KIF24: variants seen among roughly 807,000 people sequenced by gnomAD.
KIF24 encodes kinesin family member 24.
KIF24 carries 81 observed loss-of-function variants against 118.9 expected under a neutral mutation model. That is an observed-to-expected ratio of 0.68 (90% confidence interval 0.57 to 0.82). The LOEUF is 0.82. Ranked by LOEUF, KIF24 falls within the 40% of genes least tolerant of loss-of-function variation. The pLI, the probability that KIF24 is intolerant of heterozygous loss-of-function variation, is 0.00. For missense variants in KIF24, 1,560 were observed against 1,661.6 expected, an observed-to-expected ratio of 0.94 and a Z score of 1.06; for synonymous variants, 599 against 610.0, an observed-to-expected ratio of 0.98 and a Z score of 0.27.
At position 34,256,591 on chromosome 9, in the gene KIF24, T is replaced by C; in HGVS notation, c.3016A>G (p.Thr1006Ala). Residue 1006 changes from threonine (T) to alanine (A), a missense_variant, in exon 11 of 13, where the codon ACA becomes GCA. Physicochemically the swap from Thr to Ala is moderately conservative, Grantham distance 58. Transcript: ENST00000402558. ...TCTGCACTGACTTCTCTCAGAGGTG[T>C]GGTGACTGTGTCTCTTTGGTCTGGG... ...GSPDQRDTVT[T>A]PLREVSADGP... 1 of 1,613,986 alleles carries C rather than the reference T, an allele frequency of 6.2e-7. No individual in the cohort carries two copies. Among genetic ancestry groups the C allele is most frequent in the Non-Finnish European group, 8.5e-7 (1 of 1,179,896 alleles).
intron 2 of KIF24, among the ~76,000 whole-genome samples, chr9:34,309,377 T>C (rs529695315): frequency 8.8e-4 from 134 of 151,718 alleles, no homozygotes; most frequent in African/African-American, 3.0e-3. Context: ...CCACCTCTAC[T>C]AAAAATACAA....
At chr9:34,287,337 G>T (rs924089020) in intron 5 of KIF24, among the ~76,000 whole-genome samples, 2 of 152,174 alleles carry the variant, frequency 1.3e-5, no homozygotes, top group Non-Finnish European at 2.9e-5. Flanking sequence ...TACACATGGG[G>T]TTTTCTTTTA....
At chr9:34,265,435 G>T (rs1170871320) in intron 8 of KIF24, among the ~76,000 whole-genome samples, 1 of 152,196 alleles carries the variant, frequency 6.6e-6, no homozygotes, top group Non-Finnish European at 1.5e-5. Context: ...CTCCCAAAAT[G>T]CTGGGATTAC....
chr9:34,314,530 A>T (rs1057011093), intron 1 of KIF24, among the ~76,000 whole-genome samples: 5 of 152,180 alleles, frequency 3.3e-5, no homozygotes, highest in African/African-American at 1.2e-4. Context: ...AAAACCAAAA[A>T]ACAACAAGAA....
At chr9:34,291,345 G>GA (rs907726031) in intron 4 of KIF24, among the ~76,000 whole-genome samples, 3 of 150,656 alleles carry the variant, frequency 2.0e-5, no homozygotes, top group African/African-American at 4.9e-5. Context: ...ATCTTGAGGG[G>GA]AAAAAAAAAG....
chr9:34,252,961 A>T lies in KIF24; in HGVS notation c.*1419T>A, dbSNP rs182134378. On this transcript the variant is annotated 3_prime_UTR_variant, in exon 13 of 13. Coordinates refer to ENST00000402558, the MANE Select transcript of KIF24 (RefSeq NM_194313.4). Reference sequence around the variant, plus strand: ...ATAGGGTTCATTCCTAAAGTAAGTAAGTTTTTGTCCTTGACCTTAATACTG... The same window carrying T: ...ATAGGGTTCATTCCTAAAGTAAGTATGTTTTTGTCCTTGACCTTAATACTG... The T allele has an allele frequency of 1.1e-4, 17 of 152,330 alleles. No homozygotes were observed. In the East Asian group the frequency reaches 2.5e-3, roughly 23 times the overall value. The allele number at this position is 152,330 out of a possible 1,614,324, so 9.4% of individuals were successfully genotyped here. A position where few individuals can be genotyped will look rare whatever the true frequency, so the allele number is the denominator to read the frequency against.
At position 34,269,854 on chromosome 9, in the gene KIF24, C is replaced by T. The variant is rs1204289056; in HGVS notation, c.1338-492G>A. 2.0e-5 allele frequency among the ~76,000 whole-genome samples: 3 copies of T among 152,090 alleles called. No homozygotes were observed. In the East Asian group the frequency reaches 5.8e-4, roughly 29 times the overall value. On this transcript the variant is annotated intron_variant, in intron 7 of 12. Coordinates refer to ENST00000402558, the MANE Select transcript of KIF24 (RefSeq NM_194313.4). ...CCTATAAACCCAGCTACTTGGGAGGCTGAGGTGGAGCACTGCTTGAGGCCA... is the reference window on the plus strand; with the variant it reads ...CCTATAAACCCAGCTACTTGGGAGGTTGAGGTGGAGCACTGCTTGAGGCCA...
chr9:34,332,366 T>G (rs1837965380), upstream of KIF24, among the ~76,000 whole-genome samples: 1 of 152,218 alleles, frequency 6.6e-6, no homozygotes, highest in Non-Finnish European at 1.5e-5. Context: ...CCTTTCCATC[T>G]TACGTTGCAC....
intron 4 of KIF24, 55 bp from the exon 5 acceptor site, chr9:34,290,444 C>T (rs938917687): frequency 6.1e-6 from 7 of 1,143,844 alleles, no homozygotes; most frequent in South Asian, 1.4e-5. Flanking sequence ...TATTAGTTTA[C>T]CCATAGATTT....
rs1405778936 is a variant in KIF24, at chr9:34,252,939, G to A, written c.*1441C>T. The A allele has an allele frequency of 1.3e-5, 2 of 152,202 alleles. No individual in the cohort carries two copies. Among genetic ancestry groups the A allele is most frequent in the Non-Finnish European group, 2.9e-5 (2 of 68,064 alleles). The allele number at this position is 152,202 out of a possible 1,614,324, so 9.4% of individuals were successfully genotyped here. A position where few individuals can be genotyped will look rare whatever the true frequency, so the allele number is the denominator to read the frequency against. On this transcript the variant is annotated 3_prime_UTR_variant, in exon 13 of 13. Coordinates refer to ENST00000402558, the MANE Select transcript of KIF24 (RefSeq NM_194313.4). ...TGCTGTTGTATATGATGATAGAATA[G>A]GGTTCATTCCTAAAGTAAGTAAGTT...
intron 1 of KIF24, chr9:34,319,655 G>T: frequency 1.2e-6 from 1 of 821,030 alleles, no homozygotes; most frequent in African/African-American, 1.7e-5. Flanking sequence ...ACGAGTTTTA[G>T]GGCCTCAGGG....
At chr9:34,295,848 T>G (rs1026503636) in intron 4 of KIF24, among the ~76,000 whole-genome samples, 2 of 151,954 alleles carry the variant, frequency 1.3e-5, no homozygotes, top group East Asian at 3.9e-4. Flanking sequence ...CATGCCTATA[T>G]TTTAAATACT....
In KIF24 at chr9:34,269,362, C is replaced by T. The variant is rs757010315; in HGVS notation, c.1338G>A (p.Arg446=). 2 of 1,546,734 alleles carry T rather than the reference C, an allele frequency of 1.3e-6. No individual in the cohort carries two copies. The highest frequency in any genetic ancestry group is 2.3e-5 in the South Asian group (2 of 88,886). Residue 446 remains arginine, a splice_region_variant and synonymous_variant, in exon 8 of 13, where the codon AGG becomes AGA. Transcript: ENST00000402558. ...TGCCAGCCAAGTCAATAAAAGAGAT[C>T]CTAGAGAAAAGACACAGCAGGAGTG... ...IKDSAKRTFG[R]ISFIDLAGSE...
rs2131646989 is a variant in KIF24, at chr9:34,253,464, A to C, written c.*916T>G. 1 of 152,226 alleles carries C rather than the reference A, an allele frequency of 6.6e-6. No homozygotes were observed. 9.4% of individuals were successfully genotyped at this position (152,226 alleles called of 1,614,324 possible). A position where few individuals can be genotyped will look rare whatever the true frequency, so the allele number is the denominator to read the frequency against. ...GAGGCCTCAGACTGTTGAACAGAGC[A>C]CTCTGTTCAACTGCCAAGGTTCCCA... On this transcript the variant is annotated 3_prime_UTR_variant, in exon 13 of 13. Transcript: ENST00000402558.
intron 1 of KIF24, among the ~76,000 whole-genome samples, chr9:34,311,770 A>G (rs1447658002): frequency 2.0e-5 from 3 of 149,312 alleles, no homozygotes; most frequent in Non-Finnish European, 4.5e-5. Flanking sequence ...ATATATACAT[A>G]TATATACACA....
chr9:34,331,841 C>G (rs188457725), upstream of KIF24, among the ~76,000 whole-genome samples: 122 of 152,276 alleles, frequency 8.0e-4, no homozygotes, highest in Middle Eastern at 3.4e-3. Context: ...ACTTGCACCC[C>G]CTCCTCCACC....
In KIF24 at chr9:34,316,335, A is replaced by G. The variant is rs150844228; in HGVS notation, c.-25-4964T>C. ...CAGTCTGGCAATAGAGCGAGACTCT[A>G]TTAAAAAAAAAAAAAAGTTCCATTA... is the stretch of plus-strand genomic sequence containing the variant. On this transcript the variant is annotated intron_variant, in intron 1 of 12. Transcript: ENST00000402558. Among the ~76,000 whole-genome samples, 1,506 of 151,314 alleles carry G rather than the reference A, an allele frequency of 1.0e-2. 17 individuals carry two copies. The highest frequency in any genetic ancestry group is 0.015 in the Non-Finnish European group (1,017 of 67,878).
rs1326846435 is a variant in KIF24 at position 34,255,843 on chromosome 9, T to G, written c.3764A>C (p.Lys1255Thr). The change falls in exon 11 of 13, where the codon AAA (lysine) becomes ACA (threonine). Residue 1255 changes from lysine (K) to threonine (T), a missense_variant. Physicochemically the swap from Lys to Thr is moderately conservative, Grantham distance 78 (BLOSUM62 -1). Transcript: ENST00000402558. ...TAAGCACCTTGAGATCGGCCTGGGT[T>G]TGAGCCATGTGACATTTTCACTGTT... is the stretch of plus-strand genomic sequence containing the variant. ...PCNSENVTWLKPRPISRCLAR... is the reference protein window; with the variant it reads ...PCNSENVTWLTPRPISRCLAR... The G allele has an allele frequency of 6.2e-7, 1 of 1,614,010 alleles. No individual in the cohort carries two copies. Among genetic ancestry groups the G allele is most frequent in the Non-Finnish European group, 8.5e-7 (1 of 1,179,874 alleles).
In KIF24 at chr9:34,254,458, CTG is replaced by C. The variant is rs758549218; in HGVS notation, c.4027_4028del (p.Gln1343GlufsTer20). On this transcript the variant is annotated frameshift_variant, in exon 13 of 13. Transcript: ENST00000402558. LOFTEE classifies it high-confidence loss of function. ...AGAGCTGCAGCTGGCTCCTCAGACT[CTG>C]GATACACTTGGATTTCAGAACCATG... Reference protein sequence around the residue: ...EIMVLKSKCIQSLRSQLQLYL... With the variant: ...EIMVLKSKCIXSLRSQLQLYL... 3 of 1,613,826 alleles carry C rather than the reference CTG, an allele frequency of 1.9e-6. No individual in the cohort carries two copies. The African/African-American group carries it at 4.0e-5, about 22-fold the overall frequency.
Sources: allele counts gnomAD v4.1 joint callset (sites outside exome capture counted in the v4.1 genomes callset), GRCh38; gene constraint gnomAD v4.1.1; transcripts MANE v1.5; gene names NCBI Gene and HGNC (gene_info 2026-07-23, HGNC 2026-07-21).